Variants in NCKAP5 observed in about 807,000 individuals in gnomAD.
NCKAP5 encodes the protein NCK associated protein 5.
A neutral mutation model predicts 167.0 loss-of-function variants in NCKAP5; 92 were observed. The ratio of observed to expected loss-of-function variants is 0.55; its 90% confidence interval spans 0.47 to 0.66. The LOEUF is 0.66. NCKAP5 is among the 30% of genes least tolerant of loss of function. The pLI is 0.00. For synonymous variants in NCKAP5, 891 were observed against 877.4 expected, an observed-to-expected ratio of 1.02 and a Z score of -0.27; for missense variants, 2,378 against 2,315.0, an observed-to-expected ratio of 1.03 and a Z score of -0.56.
intron 2 of NCKAP5, among the ~76,000 whole-genome samples, chr2:133,551,185 T>A (rs2104954706): frequency 6.6e-6 from 1 of 152,136 alleles, no homozygotes; most frequent in Non-Finnish European, 1.5e-5. Flanking sequence ...AATTTATAGA[T>A]TCAATGCCAT....
At chr2:133,195,806 A>C (rs2085410944) in intron 5 of NCKAP5, among the ~76,000 whole-genome samples, 1 of 152,184 alleles carries the variant, frequency 6.6e-6, no homozygotes. Context: ...GACAGGAAAA[A>C]ATAAAACTTA....
Position 132,784,647 on chromosome 2 carries a change from G to A in NCKAP5, c.2164C>T (p.Pro722Ser), listed in dbSNP as rs1683387913. The A allele has an allele frequency of 5.6e-6, 9 of 1,613,808 alleles. No individual in the cohort carries two copies. Among genetic ancestry groups the A allele is most frequent in the Non-Finnish European group, 7.6e-6 (9 of 1,179,822 alleles). Residue 722 changes from proline to serine, a missense_variant, in exon 14 of 20, where the codon CCA becomes TCA. Physicochemically the swap from Pro to Ser is moderately conservative, Grantham distance 74. Coordinates refer to ENST00000409261, the MANE Select transcript of NCKAP5 (RefSeq NM_207363.3). ...LLPQGIACLQ[P>S]RAAARDYTFF... The stretch of plus-strand genomic sequence containing the variant: ...GTATAGTCTCTTGCAGCAGCTCTTG[G>A]CTGTAAACAAGCAATTCCCTGAGGT...
intron 6 of NCKAP5, among the ~76,000 whole-genome samples, chr2:133,070,556 G>A (rs1182546091): frequency 6.6e-6 from 1 of 152,000 alleles, no homozygotes; most frequent in Non-Finnish European, 1.5e-5. Context: ...GAATCCTTTG[G>A]GGCTGGCAAT....
intron 3 of NCKAP5, among the ~76,000 whole-genome samples, chr2:133,430,848 T>C (rs940060768): frequency 8.2e-5 from 12 of 146,098 alleles, no homozygotes; most frequent in Admixed American, 2.8e-4. Flanking sequence ...GTGGATTAAA[T>C]AGTGGGGGTG....
At chr2:133,221,770 CA>C in intron 4 of NCKAP5, among the ~76,000 whole-genome samples, 1 of 152,274 alleles carries the variant, frequency 6.6e-6, no homozygotes, top group East Asian at 1.9e-4. Flanking sequence ...GACTTTTCAG[CA>C]ACAAATTACA....
intron 13 of NCKAP5, among the ~76,000 whole-genome samples, chr2:132,786,671 C>T (rs1393141456): frequency 1.3e-5 from 2 of 151,954 alleles, no homozygotes; most frequent in Non-Finnish European, 2.9e-5. Flanking sequence ...AAAAAAAAAG[C>T]TAACATTTAC....
At chr2:132,695,879 G>A (rs376219904) in intron 19 of NCKAP5, among the ~76,000 whole-genome samples, 2 of 152,220 alleles carry the variant, frequency 1.3e-5, no homozygotes, top group East Asian at 1.9e-4. Context: ...AAACCTTTAA[G>A]AGCATCTAAT....
chr2:133,001,298 C>A (rs972243954), intron 6 of NCKAP5, among the ~76,000 whole-genome samples: 25 of 150,836 alleles, frequency 1.7e-4, no homozygotes, highest in Non-Finnish European at 2.9e-5. Context: ...CGACTCACTG[C>A]AACCTTTGCT....
At chr2:132,989,598 G>C (rs955770350) in intron 7 of NCKAP5, among the ~76,000 whole-genome samples, 40 of 152,202 alleles carry the variant, frequency 2.6e-4, no homozygotes, top group African/African-American at 9.4e-4. Context: ...ACTTCCTCAG[G>C]GGGAATGAGA....
At chr2:132,932,915 C>CCT (rs1696507928) in intron 8 of NCKAP5, among the ~76,000 whole-genome samples, 1 of 147,966 alleles carries the variant, frequency 6.8e-6, no homozygotes, top group South Asian at 2.1e-4. Context: ...TCCTGATTAT[C>CCT]CTCTACTTTT....
At chr2:132,969,948 G>C (rs1285365354) in intron 7 of NCKAP5, among the ~76,000 whole-genome samples, 2 of 152,172 alleles carry the variant, frequency 1.3e-5, no homozygotes, top group African/African-American at 4.8e-5. Context: ...TTACCAGTGA[G>C]AGCATTAGAA....
At chr2:133,085,472 G>A (rs79539030) in intron 6 of NCKAP5, among the ~76,000 whole-genome samples, 12,933 of 152,064 alleles carry the variant, frequency 0.085, 778 homozygotes, top group African/African-American at 0.17. Flanking sequence ...AAAATAAAAT[G>A]TGCAAGATTT....
chr2:133,492,251 T>C (rs1469196702), intron 3 of NCKAP5, among the ~76,000 whole-genome samples: 2 of 151,856 alleles, frequency 1.3e-5, no homozygotes, highest in African/African-American at 4.8e-5. Flanking sequence ...CACCCACTAA[T>C]TCAGCCCCAC....
intron 8 of NCKAP5, among the ~76,000 whole-genome samples, chr2:132,910,401 C>T (rs917459128): frequency 2.0e-5 from 3 of 152,054 alleles, no homozygotes; most frequent in African/African-American, 7.2e-5. Flanking sequence ...TCCCCATCTC[C>T]CCCGAGCACG....
intron 8 of NCKAP5, among the ~76,000 whole-genome samples, chr2:132,941,016 A>C (rs1558968515): frequency 6.6e-6 from 1 of 152,302 alleles, no homozygotes; most frequent in East Asian, 1.9e-4. Context: ...TTGCTACATA[A>C]AGGAAAAGTA....
At chr2:133,167,270 A>G (rs1278011839) in intron 5 of NCKAP5, among the ~76,000 whole-genome samples, 2 of 152,138 alleles carry the variant, frequency 1.3e-5, no homozygotes, top group Non-Finnish European at 2.9e-5. Context: ...TCTTAGTATC[A>G]CTCAGGGTGG....
intron 19 of NCKAP5, among the ~76,000 whole-genome samples, chr2:132,698,768 G>C (rs2105217583): frequency 6.6e-6 from 1 of 152,120 alleles, no homozygotes; most frequent in East Asian, 1.9e-4. Context: ...CGGGAGGCAA[G>C]GGTTGCAGTG....
chr2:133,586,277 G>A, the NCKAP5 span, among the ~76,000 whole-genome samples: 2 of 152,024 alleles, frequency 1.3e-5, no homozygotes, highest in African/African-American at 4.8e-5. Flanking sequence ...CGTGATCTGC[G>A]GCCCAATAAT....
intron 6 of NCKAP5, among the ~76,000 whole-genome samples, chr2:133,038,802 T>G (rs146221021): frequency 1.1e-3 from 174 of 152,070 alleles, no homozygotes; most frequent in Non-Finnish European, 1.9e-3. Flanking sequence ...AATCAAAGGT[T>G]AAAAAAAGAT....
Sources: gnomAD v4.1 joint callset for allele counts (sites outside exome capture counted in the v4.1 genomes callset) on GRCh38, gnomAD v4.1.1 for gene constraint, MANE v1.5 for transcripts, NCBI Gene and HGNC (gene_info 2026-07-23, HGNC 2026-07-21) for gene names.